The following POLR2B variants were observed in gnomAD, a reference collection of about 807,000 sequenced individuals.
The protein encoded by POLR2B is DNA-directed RNA polymerase II subunit RPB2.
A neutral mutation model predicts 144.6 loss-of-function variants in POLR2B; 57 were observed. The observed-to-expected ratio is 0.39, with a 90% CI of 0.32 to 0.49. The LOEUF (loss-of-function observed/expected upper bound fraction) is 0.49, where lower values mean the gene tolerates loss of function less well. Among genes scored for constraint, POLR2B ranks in the 20% least tolerant of loss-of-function variants. The probability of loss-of-function intolerance (pLI) is 0.83; values close to 1 mark genes in which losing one functional copy is unlikely to be tolerated. For missense variants in POLR2B, 595 were observed against 1,467.4 expected (o/e 0.41, Z 9.71); for synonymous variants, 442 against 469.8 (o/e 0.94, Z 0.77).
Position 57,017,723 on chromosome 4 carries a change from C to CA in POLR2B, c.2319dup (p.Ala774SerfsTer16). 6.2e-7 allele frequency: 1 copy of CA among 1,612,490 alleles called. No individual in the cohort carries two copies. The highest frequency in any genetic ancestry group is 8.5e-7 in the Non-Finnish European group (1 of 1,179,248). On this transcript the variant is annotated frameshift_variant, in exon 16 of 25. Transcript: ENST00000314595. LOFTEE classifies it high-confidence loss of function. This position sits in a 1 kb window ranked among gnomAD's most constrained non-coding sequence, Gnocchi z 4.8. ...GAATATCTACGATTTAGAGAGCTGC[C>CA]AGCAGGTATGGTCAGTTTTGCTCTA...
At position 57,011,064 on chromosome 4, in the gene POLR2B, G is replaced by A; in HGVS notation, c.1764G>A (p.Arg588=). 6.2e-7 allele frequency: 1 copy of A among 1,613,052 alleles called. No homozygotes were observed. The highest frequency in any genetic ancestry group is 8.5e-7 in the Non-Finnish European group (1 of 1,178,996). Residue 588 remains arginine (R), a synonymous_variant, in exon 13 of 25, where the codon AGG becomes AGA. Coordinates refer to ENST00000314595, the MANE Select transcript of POLR2B (RefSeq NM_000938.3). ...KDPEQLMNTL[R]KLRRQMDIIV... is the part of the protein sequence containing the mutation. ...CCGAACAACTTATGAACACCCTAAGGAAATTGAGACGTCAGATGGACATCA... is the reference window on the plus strand; with the variant it reads ...CCGAACAACTTATGAACACCCTAAGAAAATTGAGACGTCAGATGGACATCA...
In POLR2B at chr4:57,017,324, G is replaced by A. The variant is rs201082215; in HGVS notation, c.2154+83G>A. ...AAGTAACTCTGTAGTCTTATCTGGA[G>A]GGAAAAAGCCTTTTAATGAAAAGGC... On this transcript the variant is annotated intron_variant, in intron 15 of 24. Transcript: ENST00000314595. The surrounding 1 kb of genome is among the most constrained non-coding windows in gnomAD (Gnocchi z 4.8). The A allele has an allele frequency of 9.8e-7, 1 of 1,021,106 alleles. No individual in the cohort carries two copies. The highest frequency in any genetic ancestry group is 1.5e-6 in the Non-Finnish European group (1 of 679,396). 63.3% of individuals were successfully genotyped at this position (1,021,106 alleles called of 1,614,324 possible).
intron 1 of POLR2B, among the ~76,000 whole-genome samples, chr4:56,981,254 C>G (rs73242624): frequency 0.2 from 30,032 of 151,874 alleles, 3,474 homozygotes; most frequent in Middle Eastern, 0.27. Context: ...TCGCGCCCCC[C>G]CTCCCGTGTC....
intron 1 of POLR2B, among the ~76,000 whole-genome samples, chr4:56,980,286 A>C (rs1722115986): frequency 6.6e-6 from 1 of 152,144 alleles, no homozygotes; most frequent in Admixed American, 6.6e-5. Context: ...GTGTTGTAGA[A>C]ATTTATTAGC....
chr4:56,986,144 C>T lies in POLR2B; in HGVS notation c.20-210C>T, dbSNP rs560229821. On this transcript the variant is annotated intron_variant, in intron 1 of 24. Transcript: ENST00000314595. ...TTCATACAACTTACATTGAACCTTTCTAATAAACCTCTTTTTATATTGGAA... is the reference window on the plus strand; with the variant it reads ...TTCATACAACTTACATTGAACCTTTTTAATAAACCTCTTTTTATATTGGAA... 1.0e-4 allele frequency: 57 copies of T among 547,166 alleles called. No homozygotes were observed. The East Asian group carries it at 1.9e-3, about 18-fold the overall frequency. The allele number at this position is 547,166 out of a possible 1,614,324, so 33.9% of individuals were successfully genotyped here. A position where few individuals can be genotyped will look rare whatever the true frequency, so the allele number is the denominator to read the frequency against.
intron 7 of POLR2B, among the ~76,000 whole-genome samples, chr4:57,004,117 C>G (rs1471971900): frequency 2.0e-5 from 3 of 147,868 alleles, no homozygotes; most frequent in Non-Finnish European, 4.4e-5. Flanking sequence ...ACCTCCACCT[C>G]CCAGGTTCAA....
chr4:56,995,523 A>G, intron 6 of POLR2B, 114 bp downstream of exon 6: 2 of 661,348 alleles, frequency 3.0e-6, no homozygotes, highest in Non-Finnish European at 5.0e-6. Flanking sequence ...GTTGTTATAT[A>G]TCGTATTGTT....
chr4:57,027,361 G>A (rs925912337), intron 23 of POLR2B, among the ~76,000 whole-genome samples: 5 of 151,942 alleles, frequency 3.3e-5, no homozygotes, highest in Admixed American at 1.3e-4. Flanking sequence ...AGGCTGGAGT[G>A]TGGTGGCACA....
intron 3 of POLR2B, among the ~76,000 whole-genome samples, chr4:56,993,293 AC>A (rs970525985): frequency 6.6e-6 from 1 of 152,152 alleles, no homozygotes; most frequent in Non-Finnish European, 1.5e-5. Flanking sequence ...ACAGAGTGAG[AC>A]CCTGTCTCAA....
Position 57,017,415 on chromosome 4 carries a change from T to A in POLR2B, c.2155-145T>A. 6 of 785,678 alleles carry A rather than the reference T, an allele frequency of 7.6e-6. No individual in the cohort carries two copies. Among genetic ancestry groups the A allele is most frequent in the Non-Finnish European group, 1.2e-5 (6 of 489,930 alleles). 48.7% of individuals were successfully genotyped at this position (785,678 alleles called of 1,614,324 possible). A position where few individuals can be genotyped will look rare whatever the true frequency, so the allele number is the denominator to read the frequency against. ...TGTGTTTCATGGTTAAGAGCCGTAATTGATTATTCCAAATGGTTATTACTT... is the reference window on the plus strand; with the variant it reads ...TGTGTTTCATGGTTAAGAGCCGTAAATGATTATTCCAAATGGTTATTACTT... On this transcript the variant is annotated intron_variant, in intron 15 of 24. Transcript: ENST00000314595. This position sits in a 1 kb window ranked among gnomAD's most constrained non-coding sequence, Gnocchi z 4.8.
In POLR2B at chr4:57,024,403, A is replaced by G. The variant is rs80304676; in HGVS notation, c.2964+291A>G. Among the ~76,000 whole-genome samples the G allele has an allele frequency of 4.5e-3, 692 of 152,320 alleles. 4 individuals are homozygous for G. Among genetic ancestry groups the G allele is most frequent in the African/African-American group, 0.015 (636 of 41,564 alleles). ...AGTTAATTTGTTGATGGAGAGTTCA[A>G]TGTGAACTTAATAATTTTATAGTTC... On this transcript the variant is annotated intron_variant, in intron 21 of 24. Coordinates refer to ENST00000314595, the MANE Select transcript of POLR2B (RefSeq NM_000938.3).
At position 57,023,168 on chromosome 4, in the gene POLR2B, T is replaced by C; in HGVS notation, c.2516-162T>C. On this transcript the variant is annotated intron_variant, in intron 18 of 24. Transcript: ENST00000314595. This position sits in a 1 kb window ranked among gnomAD's most constrained non-coding sequence, Gnocchi z 4.3. ...TTTTTTTTTTGTTTTCTGTGTGGGC[T>C]GTAGTATTAGAGTTCAGAATAGTTT... The C allele has an allele frequency of 3.2e-6, 2 of 623,732 alleles. No homozygotes were observed. The highest frequency in any genetic ancestry group is 5.6e-5 in the East Asian group (2 of 35,588). The allele number at this position is 623,732 out of a possible 1,614,324, so 38.6% of individuals were successfully genotyped here. A position where few individuals can be genotyped will look rare whatever the true frequency, so the allele number is the denominator to read the frequency against.
chr4:56,988,557 T>C (rs1722404567), intron 2 of POLR2B, among the ~76,000 whole-genome samples: 1 of 152,160 alleles, frequency 6.6e-6, no homozygotes, highest in Admixed American at 6.5e-5. Flanking sequence ...AGCTTTTCAT[T>C]GTGCCTGAGG....
intron 17 of POLR2B, 48 bp downstream of exon 17, chr4:57,021,043 A>G: frequency 3.0e-6 from 3 of 999,644 alleles, no homozygotes; most frequent in Non-Finnish European, 4.8e-6. Flanking sequence ...TGGAAACACT[A>G]ATTTTTTATG....
chr4:57,014,120 C>T (rs1723288160), intron 13 of POLR2B, among the ~76,000 whole-genome samples: 1 of 152,188 alleles, frequency 6.6e-6, no homozygotes, highest in Admixed American at 6.5e-5. Context: ...TTTCTAAGGA[C>T]AGGCAGTAGA....
intron 23 of POLR2B, among the ~76,000 whole-genome samples, chr4:57,028,853 A>C (rs1351250253): frequency 6.6e-6 from 1 of 152,176 alleles, no homozygotes; most frequent in Admixed American, 6.5e-5. Context: ...TTATCACATA[A>C]GTTTTTTAAA....
intron 1 of POLR2B, 49 bp downstream of exon 1, chr4:56,979,053 A>G: frequency 6.3e-7 from 1 of 1,590,550 alleles, no homozygotes; most frequent in Non-Finnish European, 8.6e-7. Flanking sequence ...TTAAGCAGGA[A>G]AGCGTTGGGA....
chr4:57,027,643 G>A (rs1390680390), intron 23 of POLR2B, among the ~76,000 whole-genome samples: 4 of 152,166 alleles, frequency 2.6e-5, no homozygotes, highest in Non-Finnish European at 5.9e-5. Context: ...CACCAAAACG[G>A]TAAGTTGTAG....
intron 2 of POLR2B, 22 bp from the exon 3 acceptor site, chr4:56,990,726 C>G (rs747465004): frequency 1.9e-6 from 3 of 1,586,896 alleles, no homozygotes; most frequent in East Asian, 2.2e-5. Context: ...TTGCAACTGA[C>G]TGAACTCAAA....
Sources: gnomAD v4.1 joint callset for allele counts (sites outside exome capture counted in the v4.1 genomes callset) on GRCh38, gnomAD v4.1.1 for gene constraint, Gnocchi (gnomAD v3.1) non-coding constraint, MANE v1.5 for transcripts, NCBI Gene and HGNC (gene_info 2026-07-23, HGNC 2026-07-21) for gene names.